Variants in ANGPT1 observed in about 807,000 individuals in gnomAD.
ANGPT1 encodes angiopoietin 1, also known as angiopoietin-1.
In ANGPT1, 17 loss-of-function variants were observed where a neutral mutation model predicts 62.2. That is an observed-to-expected ratio of 0.27 (90% CI 0.19 to 0.41). The LOEUF (loss-of-function observed/expected upper bound fraction) is 0.41. Among genes scored for constraint, ANGPT1 ranks in the 10% least tolerant of loss-of-function variants. The probability of loss-of-function intolerance (pLI) is 1.00; values close to 1 mark genes in which losing one functional copy is unlikely to be tolerated. For synonymous variants in ANGPT1, 199 were observed against 198.9 expected, an observed-to-expected ratio of 1.00 and a Z score of 0.00; for missense variants, 478 against 594.9, an observed-to-expected ratio of 0.80 and a Z score of 2.04.
chr8:107,449,721 T>C (rs1313715633), intron 1 of ANGPT1, among the ~76,000 whole-genome samples: 1 of 152,138 alleles, frequency 6.6e-6, no homozygotes, highest in Non-Finnish European at 1.5e-5. Flanking sequence ...GTTTTGAGTT[T>C]AGGCCATGTT....
intron 6 of ANGPT1, among the ~76,000 whole-genome samples, chr8:107,290,648 C>A (rs1814251666): frequency 6.6e-6 from 1 of 152,014 alleles, no homozygotes; most frequent in Non-Finnish European, 1.5e-5. Flanking sequence ...AAAATTCAGC[C>A]TCATTTTTAG....
At chr8:107,311,848 A>T (rs1563563273) in intron 4 of ANGPT1, among the ~76,000 whole-genome samples, 1 of 152,130 alleles carries the variant, frequency 6.6e-6, no homozygotes, top group Admixed American at 6.5e-5. Context: ...GCGGATCACA[A>T]GGTCAGGAGA....
At chr8:107,485,724 ATAATATTT>A (rs1384559495) in intron 1 of ANGPT1, among the ~76,000 whole-genome samples, 1 of 152,226 alleles carries the variant, frequency 6.6e-6, no homozygotes, top group Non-Finnish European at 1.5e-5. Context: ...GTGCAGGCAA[ATAATATTT>A]TAAGTTCCAG....
intron 3 of ANGPT1, among the ~76,000 whole-genome samples, chr8:107,333,899 G>C (rs898180479): frequency 1.4e-5 from 2 of 146,824 alleles, no homozygotes; most frequent in African/African-American, 2.5e-5. Flanking sequence ...AGGTAGAAAG[G>C]ATACATTTTT....
At chr8:107,294,914 C>A (rs1334368304) in intron 5 of ANGPT1, 2 of 152,084 alleles carry the variant, frequency 1.3e-5, no homozygotes, top group Non-Finnish European at 2.9e-5. Flanking sequence ...CTATGGGAAA[C>A]ACTATTTCCT....
intron 1 of ANGPT1, among the ~76,000 whole-genome samples, chr8:107,376,761 C>T (rs1039040649): frequency 7.9e-5 from 12 of 152,028 alleles, no homozygotes; most frequent in South Asian, 4.1e-4. Context: ...GTCTGACTTT[C>T]GGTTCTCACT....
At chr8:107,471,455 G>A (rs1812356393) in intron 1 of ANGPT1, among the ~76,000 whole-genome samples, 1 of 152,006 alleles carries the variant, frequency 6.6e-6, no homozygotes, top group Admixed American at 6.6e-5. Context: ...ACCTAATGTA[G>A]ATGACAGATA....
At position 107,494,290 on chromosome 8, in the gene ANGPT1, G is replaced by A. The variant is rs180770392; in HGVS notation, c.297+2972C>T. On this transcript the variant is annotated intron_variant, in intron 1 of 8. Coordinates refer to ENST00000517746, the MANE Select transcript of ANGPT1 (RefSeq NM_001146.5). ...ATAGTTCACAAAGTACAGGATGTGG[G>A]CTAAATGTTTCACTGTCATAGAGAG... 5.9e-5 allele frequency among the ~76,000 whole-genome samples: 9 copies of A among 152,244 alleles called. No homozygotes were observed. The East Asian group carries it at 1.7e-3, about 29-fold the overall frequency.
At chr8:107,276,824 C>T (rs1001957774) in intron 7 of ANGPT1, among the ~76,000 whole-genome samples, 2 of 152,110 alleles carry the variant, frequency 1.3e-5, no homozygotes, top group African/African-American at 2.4e-5. Flanking sequence ...AACTACTTCC[C>T]AATGAAGATC....
chr8:107,268,818 A>T (rs138993418), intron 7 of ANGPT1, among the ~76,000 whole-genome samples: 1,617 of 148,974 alleles, frequency 0.011, 18 homozygotes, highest in Middle Eastern at 0.021. Flanking sequence ...TGTGCAATGT[A>T]AACAGTGACA....
chr8:107,459,146 T>A (rs1245225141), intron 1 of ANGPT1, among the ~76,000 whole-genome samples: 1 of 152,196 alleles, frequency 6.6e-6, no homozygotes, highest in East Asian at 1.9e-4. Context: ...CAGTAACTTT[T>A]GGCTTCATTT....
At chr8:107,377,324 C>T (rs3019114) in intron 1 of ANGPT1, among the ~76,000 whole-genome samples, 125,116 of 152,082 alleles carry the variant, frequency 0.82, 52,869 homozygotes, top group East Asian at 0.98. Flanking sequence ...ATGAACAGGC[C>T]GAATTTCCTC....
chr8:107,341,538 G>A lies in ANGPT1; in HGVS notation c.454-5267C>T, dbSNP rs1340790991. On this transcript the variant is annotated intron_variant, in intron 2 of 8. Transcript: ENST00000517746. The stretch of plus-strand genomic sequence containing the variant: ...AATTATTGTTCATCTTAGTTGTGAT[G>A]TAATATATAATTAATATTATATAAC... 2.0e-5 allele frequency among the ~76,000 whole-genome samples: 3 copies of A among 148,818 alleles called. No homozygotes were observed. The East Asian group carries it at 5.9e-4, about 29-fold the overall frequency.
intron 1 of ANGPT1, among the ~76,000 whole-genome samples, chr8:107,361,428 G>T (rs1586255670): frequency 2.0e-5 from 3 of 147,882 alleles, no homozygotes; most frequent in African/African-American, 2.5e-5. Context: ...TCTTAAATTG[G>T]AATATATATA....
At position 107,291,263 on chromosome 8, in the gene ANGPT1, C is replaced by T. The variant is rs1814264079; in HGVS notation, c.1038+2673G>A. On this transcript the variant is annotated intron_variant, in intron 6 of 8. Coordinates refer to ENST00000517746, the MANE Select transcript of ANGPT1 (RefSeq NM_001146.5). ...TCAGTGTGCCAAAGTGCTTTACTTA[C>T]ATTACTTCTAATCCTTGAAACATCA... Among the ~76,000 whole-genome samples, 3 of 152,162 alleles carry T rather than the reference C, an allele frequency of 2.0e-5. No individual in the cohort carries two copies. The South Asian group carries it at 6.2e-4, about 31-fold the overall frequency.
intron 1 of ANGPT1, among the ~76,000 whole-genome samples, chr8:107,356,848 T>C (rs1323583424): frequency 6.6e-6 from 1 of 152,168 alleles, no homozygotes; most frequent in Admixed American, 6.5e-5. Flanking sequence ...AGTTTTAATA[T>C]GGGATTCAGG....
At chr8:107,324,158 A>T (rs1205452524) in intron 3 of ANGPT1, among the ~76,000 whole-genome samples, 5 of 147,362 alleles carry the variant, frequency 3.4e-5, no homozygotes, top group Non-Finnish European at 5.9e-5. Flanking sequence ...AAAAAAAAAA[A>T]ATATGTATAT....
intron 1 of ANGPT1, among the ~76,000 whole-genome samples, chr8:107,423,907 G>A (rs749864343): frequency 1.1e-4 from 14 of 128,812 alleles, no homozygotes; most frequent in African/African-American, 1.8e-4. Flanking sequence ...GTGGCACAAT[G>A]TTGGCTCACT....
chr8:107,276,891 T>C (rs919079338), intron 7 of ANGPT1, among the ~76,000 whole-genome samples: 1 of 152,210 alleles, frequency 6.6e-6, no homozygotes, highest in Non-Finnish European at 1.5e-5. Flanking sequence ...ATTTTCAGGT[T>C]GTTTTCTTCA....
Sources: allele counts gnomAD v4.1 joint callset (sites outside exome capture counted in the v4.1 genomes callset), GRCh38; gene constraint gnomAD v4.1.1; transcripts MANE v1.5; gene names NCBI Gene and HGNC (gene_info 2026-07-23, HGNC 2026-07-21).